CLYBL: variants seen among roughly 807,000 people sequenced by gnomAD.
CLYBL encodes citramalyl-CoA lyase, mitochondrial.
Under a neutral mutation model 38.9 loss-of-function variants are expected in CLYBL, and 31 were observed. That is an observed-to-expected ratio of 0.80 (90% CI 0.60 to 1.08). The LOEUF (loss-of-function observed/expected upper bound fraction) is 1.08. CLYBL is among the 50% of genes least tolerant of loss of function. The pLI, the probability that CLYBL is intolerant of heterozygous loss-of-function variation, is 0.00. For synonymous variants in CLYBL, 171 were observed against 158.6 expected (o/e 1.08, Z -0.59); for missense variants, 434 against 411.6 (o/e 1.05, Z -0.47).
At chr13:99,607,312 AGTG>A (rs1158311098) in intron 1 of CLYBL, among the ~76,000 whole-genome samples, 6 of 152,108 alleles carry the variant, frequency 3.9e-5, no homozygotes, top group Admixed American at 6.5e-5. Flanking sequence ...TCAAAAAAAA[AGTG>A]AGAAGATTGG....
At chr13:99,674,743 T>C (rs955062775) in intron 1 of CLYBL, among the ~76,000 whole-genome samples, 3 of 152,088 alleles carry the variant, frequency 2.0e-5, no homozygotes, top group African/African-American at 4.8e-5. Context: ...GGAGAAGTCA[T>C]GAGCAGTAAG....
At chr13:99,904,195 A>G (rs1433833839) in intron 8 of CLYBL, among the ~76,000 whole-genome samples, 1 of 152,234 alleles carries the variant, frequency 6.6e-6, no homozygotes, top group African/African-American at 2.4e-5. Flanking sequence ...TTTAGTAAAT[A>G]CTAATATCTG....
intron 1 of CLYBL, among the ~76,000 whole-genome samples, chr13:99,731,242 C>G (rs2048584907): frequency 6.6e-6 from 1 of 151,224 alleles, no homozygotes; most frequent in Non-Finnish European, 1.5e-5. Flanking sequence ...ATTGAAGTAG[C>G]AAAGCCTTCT....
intron 7 of CLYBL, chr13:99,877,568 ATTC>A (rs1555323879): frequency 2.4e-5 from 6 of 250,852 alleles, no homozygotes; most frequent in African/African-American, 3.5e-5. Context: ...GAATTTTGTA[ATTC>A]TTTTTTTTTT....
intron 9 of CLYBL, among the ~76,000 whole-genome samples, chr13:99,905,804 C>T (rs1037564772): frequency 2.0e-5 from 3 of 151,102 alleles, no homozygotes; most frequent in Non-Finnish European, 2.9e-5. Context: ...CTCTGTCTGT[C>T]GCCCAGACTG....
intron 2 of CLYBL, among the ~76,000 whole-genome samples, chr13:99,792,416 C>T (rs910704471): frequency 6.6e-6 from 1 of 152,158 alleles, no homozygotes; most frequent in African/African-American, 2.4e-5. Flanking sequence ...GAGTGGGGAT[C>T]AGAGCAGCCG....
intron 1 of CLYBL, among the ~76,000 whole-genome samples, chr13:99,611,402 G>A (rs1051103895): frequency 6.6e-6 from 1 of 152,106 alleles, no homozygotes; most frequent in Non-Finnish European, 1.5e-5. Flanking sequence ...CTGTTGTGTT[G>A]ATCATAAGGC....
chr13:99,821,874 A>C (rs1298211571), intron 2 of CLYBL, among the ~76,000 whole-genome samples: 1 of 152,192 alleles, frequency 6.6e-6, no homozygotes, highest in Non-Finnish European at 1.5e-5. Context: ...GACCCCAGTG[A>C]TTCATGCCTC....
intron 1 of CLYBL, among the ~76,000 whole-genome samples, chr13:99,767,921 A>G (rs1490808041): frequency 2.0e-5 from 3 of 152,150 alleles, no homozygotes; most frequent in African/African-American, 4.8e-5. Flanking sequence ...AGTCTTTGCC[A>G]TCAGGTCTCT....
At chr13:99,882,476 A>C (rs1236275631) in intron 7 of CLYBL, among the ~76,000 whole-genome samples, 1 of 152,090 alleles carries the variant, frequency 6.6e-6, no homozygotes, top group East Asian at 1.9e-4. Context: ...ACAACAGGGC[A>C]AAACCCCATC....
chr13:99,886,801 A>C (rs1404167173), intron 7 of CLYBL, among the ~76,000 whole-genome samples: 1 of 152,058 alleles, frequency 6.6e-6, no homozygotes, highest in Non-Finnish European at 1.5e-5. Context: ...CTTTTCTCCG[A>C]TTCTTGTTGC....
At chr13:99,855,038 A>G (rs1026730892) in intron 2 of CLYBL, among the ~76,000 whole-genome samples, 6 of 152,210 alleles carry the variant, frequency 3.9e-5, no homozygotes, top group African/African-American at 1.4e-4. Context: ...TGACCTGGGC[A>G]GAGTCCACCT....
At chr13:99,650,369 C>G (rs1052033673) in intron 1 of CLYBL, among the ~76,000 whole-genome samples, 5 of 152,068 alleles carry the variant, frequency 3.3e-5, no homozygotes, top group African/African-American at 1.2e-4. Context: ...CTACGGTGAA[C>G]TATGGTTGTC....
intron 1 of CLYBL, among the ~76,000 whole-genome samples, chr13:99,649,836 C>T (rs2047224957): frequency 1.3e-5 from 2 of 150,930 alleles, no homozygotes; most frequent in Non-Finnish European, 2.9e-5. Context: ...CACTGCACTC[C>T]AGCCTGGGCA....
chr13:99,768,299 A>G (rs1026694361), intron 1 of CLYBL, among the ~76,000 whole-genome samples: 1 of 143,870 alleles, frequency 7.0e-6, no homozygotes, highest in African/African-American at 2.6e-5. Flanking sequence ...AGTTCAAGCA[A>G]CTCTCCTGCC....
intron 2 of CLYBL, among the ~76,000 whole-genome samples, chr13:99,826,399 C>T (rs145936290): frequency 1.9e-4 from 29 of 152,336 alleles, no homozygotes; most frequent in African/African-American, 6.7e-4. Flanking sequence ...TCCACAGTCT[C>T]ATGAGCCAAT....
intron 1 of CLYBL, among the ~76,000 whole-genome samples, chr13:99,741,384 GGAGA>G (rs1295362678): frequency 6.6e-6 from 1 of 152,214 alleles, no homozygotes; most frequent in Non-Finnish European, 1.5e-5. Context: ...GCCACTAGAA[GGAGA>G]GAGTGACAAG....
chr13:99,786,113 A>C (rs77834234), intron 2 of CLYBL, among the ~76,000 whole-genome samples: 3,719 of 151,910 alleles, frequency 0.024, 75 homozygotes, highest in South Asian at 0.064. Flanking sequence ...TATAGTAATA[A>C]ATGATTATCT....
At chr13:99,778,588 A>G (rs2049571890) in intron 2 of CLYBL, among the ~76,000 whole-genome samples, 1 of 152,134 alleles carries the variant, frequency 6.6e-6, no homozygotes, top group Admixed American at 6.6e-5. Flanking sequence ...TGCTAATCCA[A>G]TTTGTGTTTA....
Sources: gnomAD v4.1 joint callset for allele counts (sites outside exome capture counted in the v4.1 genomes callset) on GRCh38, gnomAD v4.1.1 for gene constraint, MANE v1.5 for transcripts, NCBI Gene and HGNC (gene_info 2026-07-23, HGNC 2026-07-21) for gene names.